Variants in SLC7A11 observed in about 807,000 individuals in gnomAD.
SLC7A11 encodes the protein cystine/glutamate transporter.
In SLC7A11, 35 loss-of-function variants were observed where a neutral mutation model predicts 54.5. That is an observed-to-expected ratio of 0.64 (90% CI 0.49 to 0.85). SLC7A11 has a LOEUF of 0.85. SLC7A11 is among the 40% of genes least tolerant of loss of function. SLC7A11 has a pLI of 0.00. For missense variants in SLC7A11, 583 were observed against 618.1 expected (o/e 0.94, Z 0.60); for synonymous variants, 230 against 225.2 (o/e 1.02, Z -0.19).
intron 3 of SLC7A11, 94 bp downstream of exon 3, chr4:138,232,173 G>T: frequency 1.2e-6 from 1 of 850,904 alleles, no homozygotes; most frequent in Non-Finnish European, 2.0e-6. Context: ...TGATGTGAGA[G>T]GCAATCCCGC....
chr4:138,214,458 GTGA>G, intron 6 of SLC7A11, 124 bp downstream of exon 6: 2 of 464,138 alleles, frequency 4.3e-6, no homozygotes, highest in Non-Finnish European at 7.9e-6. Context: ...GAGAATTATA[GTGA>G]TGATGATGAC....
At chr4:138,197,011 A>C (rs1015260148) in intron 6 of SLC7A11, among the ~76,000 whole-genome samples, 55 of 152,206 alleles carry the variant, frequency 3.6e-4, no homozygotes, top group African/African-American at 1.2e-3. Flanking sequence ...AATTTCATTA[A>C]AATTTGATTC....
chr4:138,185,807 G>A (rs1736861984), intron 6 of SLC7A11, among the ~76,000 whole-genome samples: 1 of 152,016 alleles, frequency 6.6e-6, no homozygotes. Flanking sequence ...CCAAATAAAC[G>A]CACACTTTTG....
At chr4:138,214,687 T>C in intron 5 of SLC7A11, 58 bp from the exon 6 acceptor site, 1 of 616,224 alleles carries the variant, frequency 1.6e-6, no homozygotes, top group Non-Finnish European at 2.6e-6. Context: ...ATCCAAAGTC[T>C]CAAATTTTAA....
At chr4:138,223,740 A>G (rs1049364710) in intron 3 of SLC7A11, among the ~76,000 whole-genome samples, 1 of 152,138 alleles carries the variant, frequency 6.6e-6, no homozygotes, top group Non-Finnish European at 1.5e-5. Context: ...TATGCCTGCC[A>G]ATGTGGATCA....
chr4:138,240,661 T>A (rs1738354876), intron 1 of SLC7A11, among the ~76,000 whole-genome samples: 1 of 151,980 alleles, frequency 6.6e-6, no homozygotes. Flanking sequence ...ATGAATTGAT[T>A]GGTACACATG....
chr4:138,223,180 T>C lies in SLC7A11; in HGVS notation c.646+19A>G. On this transcript the variant is annotated intron_variant, in intron 4 of 11. Coordinates refer to ENST00000280612, the MANE Select transcript of SLC7A11 (RefSeq NM_014331.4). ...AAGCAGATACGTATTTTAAAAAGCA[T>C]TTGCTTTTCAGTCCATACCTTTAAT... 6.2e-7 allele frequency: 1 copy of C among 1,601,032 alleles called. No homozygotes were observed. The highest frequency in any genetic ancestry group is 8.5e-7 in the Non-Finnish European group (1 of 1,171,936).
In SLC7A11 at chr4:138,166,433, TC is replaced by T. The variant is rs1736261928; in HGVS notation, c.*5522del. The T allele has an allele frequency of 6.6e-6, 1 of 152,498 alleles. No individual in the cohort carries two copies. 9.4% of individuals were successfully genotyped at this position (152,498 alleles called of 1,614,324 possible). ...AGATACCTGTGCATTACTCTTTTTTTCCCCTCTGGCTTTCAGCACGGCCTTC... is the reference window on the plus strand; with the variant it reads ...AGATACCTGTGCATTACTCTTTTTTTCCCTCTGGCTTTCAGCACGGCCTTC... On this transcript the variant is annotated 3_prime_UTR_variant, in exon 12 of 12. Coordinates refer to ENST00000280612, the MANE Select transcript of SLC7A11 (RefSeq NM_014331.4).
At chr4:138,239,128 C>G (rs868660411) in intron 1 of SLC7A11, among the ~76,000 whole-genome samples, 2 of 152,124 alleles carry the variant, frequency 1.3e-5, no homozygotes, top group Non-Finnish European at 2.9e-5. Flanking sequence ...GGGAAACATT[C>G]GCCATGTTGG....
rs1378424649 is a variant in SLC7A11, at chr4:138,214,456, T to C, written c.791+129A>G. The C allele has an allele frequency of 2.8e-5, 13 of 458,872 alleles. No individual in the cohort carries two copies. The East Asian group carries it at 4.7e-4, about 17-fold the overall frequency. The allele number at this position is 458,872 out of a possible 1,614,324, so 28.4% of individuals were successfully genotyped here. ...AAATAAATCTTATCTAAGAGAATTA[T>C]AGTGATGATGATGACGATGTTAAGG... On this transcript the variant is annotated intron_variant, in intron 6 of 11. Coordinates refer to ENST00000280612, the MANE Select transcript of SLC7A11 (RefSeq NM_014331.4).
At chr4:138,206,113 A>G (rs1737399207) in intron 6 of SLC7A11, among the ~76,000 whole-genome samples, 3 of 151,992 alleles carry the variant, frequency 2.0e-5, no homozygotes, top group Non-Finnish European at 4.4e-5. Flanking sequence ...TAAAGGTATT[A>G]TAGAGAAGAT....
chr4:138,214,773 T>G (rs1737639917), intron 5 of SLC7A11, 144 bp from the exon 6 acceptor site: 2 of 345,902 alleles, frequency 5.8e-6, no homozygotes, highest in Non-Finnish European at 1.1e-5. Context: ...AACAACTAAA[T>G]ACTCCCATAA....
intron 5 of SLC7A11, among the ~76,000 whole-genome samples, chr4:138,217,029 T>C (rs774876783): frequency 5.9e-5 from 9 of 152,170 alleles, no homozygotes; most frequent in Non-Finnish European, 1.2e-4. Flanking sequence ...TAATAACTTT[T>C]CCTCTAGAAC....
At chr4:138,179,885 C>G (rs1043967816) in intron 10 of SLC7A11, among the ~76,000 whole-genome samples, 1 of 152,102 alleles carries the variant, frequency 6.6e-6, no homozygotes, top group Non-Finnish European at 1.5e-5. Flanking sequence ...CAAGCCAACT[C>G]CTATTCAACC....
intron 11 of SLC7A11, 22 bp from the exon 12 acceptor site, chr4:138,172,039 T>A (rs1239602611): frequency 2.4e-5 from 37 of 1,570,446 alleles, no homozygotes; most frequent in Non-Finnish European, 3.0e-5. Flanking sequence ...TAAAAATGAA[T>A]TAAAAATGCA....
chr4:138,223,885 C>T (rs200302965), intron 3 of SLC7A11, among the ~76,000 whole-genome samples: 82 of 152,196 alleles, frequency 5.4e-4, no homozygotes, highest in African/African-American at 1.5e-3. Context: ...TTCAACCCAC[C>T]GTACAAGTAT....
intron 6 of SLC7A11, among the ~76,000 whole-genome samples, chr4:138,211,328 C>T (rs1031207750): frequency 1.2e-4 from 18 of 151,686 alleles, no homozygotes; most frequent in Non-Finnish European, 2.9e-5. Flanking sequence ...TAATTCATAC[C>T]CCAAACCTCA....
At chr4:138,196,712 T>A (rs1199448935) in intron 6 of SLC7A11, among the ~76,000 whole-genome samples, 3 of 152,036 alleles carry the variant, frequency 2.0e-5, no homozygotes, top group East Asian at 1.9e-4. Context: ...CGGGCGGGAG[T>A]GCAATGGCAC....
intron 6 of SLC7A11, among the ~76,000 whole-genome samples, chr4:138,203,797 G>A (rs1283150842): frequency 6.6e-6 from 1 of 152,066 alleles, no homozygotes; most frequent in African/African-American, 2.4e-5. Context: ...TCCAAGCACT[G>A]CTTCCCATAG....
Sources: gnomAD v4.1 joint callset for allele counts (sites outside exome capture counted in the v4.1 genomes callset) on GRCh38, gnomAD v4.1.1 for gene constraint, MANE v1.5 for transcripts, NCBI Gene and HGNC (gene_info 2026-07-23, HGNC 2026-07-21) for gene names.